Variants in TEX14 observed in about 807,000 individuals in gnomAD.
The protein encoded by TEX14 is testis expressed 14, intercellular bridge forming factor, also known as inactive serine/threonine-protein kinase TEX14.
TEX14 carries 168 observed loss-of-function variants against 178.6 expected under a neutral mutation model. That is an observed-to-expected ratio of 0.94 (90% CI 0.83 to 1.07). TEX14 has a LOEUF of 1.07. Ranked by LOEUF, TEX14 falls within the 50% of genes least tolerant of loss-of-function variation. The probability of loss-of-function intolerance (pLI) is 0.00; values close to 1 mark genes in which losing one functional copy is unlikely to be tolerated. For missense variants in TEX14, 1,730 were observed against 1,753.6 expected, an observed-to-expected ratio of 0.99 and a Z score of 0.24; for synonymous variants, 626 against 634.1, an observed-to-expected ratio of 0.99 and a Z score of 0.19.
At position 58,602,426 on chromosome 17, in the gene TEX14, G is replaced by A. The variant is rs571409266; in HGVS notation, c.1501C>T (p.Arg501Trp). 2.5e-5 allele frequency: 40 copies of A among 1,613,752 alleles called. No individual in the cohort carries two copies. The highest frequency in any genetic ancestry group is 6.7e-5 in the East Asian group (3 of 44,876). Residue 501 changes from arginine (R) to tryptophan (W), a missense_variant, in exon 12 of 32, where the codon CGG (arginine) becomes TGG (tryptophan). Physicochemically the swap from Arg to Trp is moderately radical, Grantham distance 101. Around this residue, in one of 2 missense-constraint regions of TEX14, gnomAD observed 789 missense variants for 681.2 expected, o/e 1.16. Transcript: ENST00000349033. Reference sequence around the variant, plus strand: ...TTTAAGTCATTCTTCAGAATATACCGGATATCTTGAAGGTTCATAGTTCGG... The same window carrying A: ...TTTAAGTCATTCTTCAGAATATACCAGATATCTTGAAGGTTCATAGTTCGG... ...KDRTMNLQDI[R>W]YILKNDLKDF...
intron 3 of TEX14, among the ~76,000 whole-genome samples, chr17:58,627,965 GGCTAGTCTC>G (rs2046187393): frequency 1.6e-5 from 2 of 127,894 alleles, no homozygotes; most frequent in Non-Finnish European, 3.1e-5. Flanking sequence ...CTGTTGCCCA[GGCTAGTCTC>G]AAACTCCTGG....
intron 1 of TEX14, among the ~76,000 whole-genome samples, chr17:58,657,667 A>C (rs2046998952): frequency 6.6e-6 from 1 of 151,922 alleles, no homozygotes; most frequent in Non-Finnish European, 1.5e-5. Context: ...AAAGAGATCT[A>C]ACTTAACTTA....
At chr17:58,619,820 G>C (rs543169957) in intron 5 of TEX14, among the ~76,000 whole-genome samples, 19 of 151,314 alleles carry the variant, frequency 1.3e-4, no homozygotes, top group Admixed American at 2.6e-4. Flanking sequence ...AAAAAAAGGT[G>C]GGGGAAGAGG....
chr17:58,643,439 G>A (rs1278995448), intron 2 of TEX14, among the ~76,000 whole-genome samples: 2 of 151,976 alleles, frequency 1.3e-5, no homozygotes. Flanking sequence ...TCTCTTTTAG[G>A]GAATAATATC....
chr17:58,599,171 T>C lies in TEX14; in HGVS notation c.2174A>G (p.Tyr725Cys), dbSNP rs1395275325. The change falls in exon 14 of 32, where the codon TAT (tyrosine) becomes TGT (cysteine). Residue 725 changes from tyrosine (Y) to cysteine (C), a missense_variant. This residue lies in a region of TEX14 where 941 missense variants were observed against 1,072.4 expected (regional missense o/e 0.88). Coordinates refer to ENST00000349033, the MANE Select transcript of TEX14 (RefSeq NM_031272.5). ...NLNNMSTTEE[Y>C]LISKCVLDLK... ...ATCCAGCACACACTTACTGATGAGA[T>C]ACTCCTCAGTCGTGGACATGTTGTT... 4.3e-6 allele frequency: 7 copies of C among 1,614,094 alleles called. No homozygotes were observed. The highest frequency in any genetic ancestry group is 5.9e-6 in the Non-Finnish European group (7 of 1,179,944).
At chr17:58,605,651 T>A (rs561679007) in intron 10 of TEX14, among the ~76,000 whole-genome samples, 1 of 152,228 alleles carries the variant, frequency 6.6e-6, no homozygotes, top group Non-Finnish European at 1.5e-5. Flanking sequence ...CCAACATACC[T>A]CATGTTCTTC....
chr17:58,597,907 A>G (rs2045327888), intron 14 of TEX14, among the ~76,000 whole-genome samples: 1 of 152,084 alleles, frequency 6.6e-6, no homozygotes, highest in Admixed American at 6.6e-5. Context: ...GCCAGCTCCC[A>G]TGGTGTCTGC....
chr17:58,689,853 T>TC (rs1254996482), intron 1 of TEX14, among the ~76,000 whole-genome samples: 6 of 151,840 alleles, frequency 4.0e-5, no homozygotes, highest in Admixed American at 3.9e-4. Flanking sequence ...GAAGATTTTT[T>TC]TTTTTTTTTT....
chr17:58,624,489 C>T (rs1017019643), intron 3 of TEX14, among the ~76,000 whole-genome samples: 3 of 151,264 alleles, frequency 2.0e-5, no homozygotes, highest in Admixed American at 1.3e-4. Context: ...TATAGGTGCC[C>T]GCCACCCATG....
intron 1 of TEX14, among the ~76,000 whole-genome samples, chr17:58,667,634 C>G (rs749627967): frequency 2.0e-5 from 3 of 152,262 alleles, no homozygotes; most frequent in Non-Finnish European, 2.9e-5. Flanking sequence ...CCTGTAATCC[C>G]AACACTTTGG....
At chr17:58,574,090 G>T in intron 22 of TEX14, 97 bp downstream of exon 22, 2 of 1,003,744 alleles carry the variant, frequency 2.0e-6, no homozygotes, top group Non-Finnish European at 3.1e-6. Context: ...AAGTCTACAC[G>T]TAAAAATGGA....
At chr17:58,687,568 A>G (rs1455638651) in intron 1 of TEX14, among the ~76,000 whole-genome samples, 1 of 151,894 alleles carries the variant, frequency 6.6e-6, no homozygotes, top group Non-Finnish European at 1.5e-5. Flanking sequence ...ACTCATCTCA[A>G]GTGATCCACC....
chr17:58,575,244 A>G (rs1454859153), intron 21 of TEX14, among the ~76,000 whole-genome samples: 1 of 151,454 alleles, frequency 6.6e-6, no homozygotes, highest in Non-Finnish European at 1.5e-5. Flanking sequence ...CCTCCCAAGT[A>G]GCTGGCATTA....
intron 14 of TEX14, among the ~76,000 whole-genome samples, 168 bp downstream of exon 14, chr17:58,598,708 C>G (rs940394804): frequency 4.6e-5 from 7 of 152,142 alleles, no homozygotes; most frequent in African/African-American, 1.7e-4. Context: ...TCAAACCCAG[C>G]CCTGGGGTCC....
intron 5 of TEX14, among the ~76,000 whole-genome samples, chr17:58,620,129 G>A (rs1171622748): frequency 6.6e-6 from 1 of 152,072 alleles, no homozygotes; most frequent in African/African-American, 2.4e-5. Context: ...TGCAAACTAT[G>A]ACAATTCTCT....
At chr17:58,664,422 A>C (rs935782975) in intron 1 of TEX14, among the ~76,000 whole-genome samples, 1 of 152,140 alleles carries the variant, frequency 6.6e-6, no homozygotes, top group Non-Finnish European at 1.5e-5. Flanking sequence ...ATATTCTTGA[A>C]TTTCTTTGCT....
At chr17:58,667,982 G>A (rs1192366047) in intron 1 of TEX14, among the ~76,000 whole-genome samples, 2 of 151,836 alleles carry the variant, frequency 1.3e-5, no homozygotes, top group Non-Finnish European at 1.5e-5. Context: ...GTCTGTGCAT[G>A]TTCTTGTAAA....
Position 58,585,900 on chromosome 17 carries a change from T to C in TEX14, c.2971A>G (p.Asn991Asp). 6.2e-7 allele frequency: 1 copy of C among 1,614,098 alleles called. No homozygotes were observed. The highest frequency in any genetic ancestry group is 1.1e-5 in the South Asian group (1 of 91,076). The change falls in exon 18 of 32, where the codon AAT (asparagine) becomes GAT (aspartate). Residue 991 changes from asparagine to aspartate, a missense_variant. Coordinates refer to ENST00000349033, the MANE Select transcript of TEX14 (RefSeq NM_031272.5). ...WQRVIEYHRE[N>D]DEPRGNGKFD... ...TTGCCATTTCCTCTGGGCTCATCAT[T>C]TTCCCTATGATACTCAATAACTCGC...
rs2045571554 is a variant in TEX14, at chr17:58,605,009, G to C, written c.1305C>G (p.Ser435Arg). 1.2e-6 allele frequency: 2 copies of C among 1,614,158 alleles called. No individual in the cohort carries two copies. The highest frequency in any genetic ancestry group is 2.7e-5 in the African/African-American group (2 of 75,024). Residue 435 changes from serine (S) to arginine (R), a missense_variant, in exon 11 of 32, where the codon AGC becomes AGG. Physicochemically the swap from Ser to Arg is moderately radical, Grantham distance 110. Around this residue, in one of 2 missense-constraint regions of TEX14, gnomAD observed 789 missense variants for 681.2 expected, o/e 1.16. Transcript: ENST00000349033. ...AAATCTCCTGCATGATCATAGAAAA[G>C]CTGTAGATGTCTGATTTCACTGTGG... Reference protein sequence around the residue: ...KAATVKSDIYSFSMIMQEILT... With the variant: ...KAATVKSDIYRFSMIMQEILT...
Sources: allele counts gnomAD v4.1 joint callset (sites outside exome capture counted in the v4.1 genomes callset), GRCh38; gene constraint gnomAD v4.1.1; regional missense constraint gnomAD v4.1.1; transcripts MANE v1.5; gene names NCBI Gene and HGNC (gene_info 2026-07-23, HGNC 2026-07-21).